Variants in NTM observed in about 807,000 individuals in gnomAD.
The protein encoded by NTM is neurotrimin, also known as IgLON family member 2.
A neutral mutation model predicts 42.1 loss-of-function variants in NTM; 13 were observed. That is an observed-to-expected ratio of 0.31 (90% confidence interval 0.20 to 0.49). The LOEUF is 0.49. Among genes scored for constraint, NTM ranks in the 20% least tolerant of loss-of-function variants. The probability of loss-of-function intolerance (pLI) is 0.99; values close to 1 mark genes in which losing one functional copy is unlikely to be tolerated. For missense variants in NTM, 373 were observed against 452.8 expected, an observed-to-expected ratio of 0.82 and a Z score of 1.60; for synonymous variants, 187 against 179.2, an observed-to-expected ratio of 1.04 and a Z score of -0.35.
chr11:132,333,215 C>A (rs1189448765), intron 8 of NTM, among the ~76,000 whole-genome samples: 1 of 152,176 alleles, frequency 6.6e-6, no homozygotes, highest in Admixed American at 6.5e-5. Context: ...TAAAGGCCTG[C>A]TGGGCCATAT....
rs113278150 is a variant in NTM at position 131,599,362 on chromosome 11, C to G, written c.82+228474C>G. On this transcript the variant is annotated intron_variant, in intron 1 of 8. Transcript: ENST00000683400. ...CTGTCTACCCAGTCTCCGGCAGATGCCCTGTCTACCCAGTCTCCGGCAGAG... is the reference window on the plus strand; with the variant it reads ...CTGTCTACCCAGTCTCCGGCAGATGGCCTGTCTACCCAGTCTCCGGCAGAG... 4.0e-5 allele frequency among the ~76,000 whole-genome samples: 6 copies of G among 150,112 alleles called. 2 individuals carry two copies. The East Asian group carries it at 9.9e-4, about 25-fold the overall frequency.
chr11:131,833,042 C>T (rs968665444), intron 1 of NTM, among the ~76,000 whole-genome samples: 2 of 152,176 alleles, frequency 1.3e-5, no homozygotes, highest in Admixed American at 1.3e-4. Flanking sequence ...TAAAGTTTTT[C>T]TCTACAATAG....
chr11:131,713,139 G>C (rs1212850131), intron 1 of NTM, among the ~76,000 whole-genome samples: 2 of 152,120 alleles, frequency 1.3e-5, no homozygotes, highest in Non-Finnish European at 1.5e-5. Context: ...GGAAAAACAA[G>C]GATGTCATGC....
chr11:131,688,679 G>T (rs560634548), intron 1 of NTM, among the ~76,000 whole-genome samples: 1 of 152,250 alleles, frequency 6.6e-6, no homozygotes, highest in Non-Finnish European at 1.5e-5. Flanking sequence ...CCCAGTTCAT[G>T]CTGTGGGTTG....
intron 2 of NTM, among the ~76,000 whole-genome samples, chr11:132,032,381 T>A (rs532209908): frequency 6.6e-6 from 1 of 152,348 alleles, no homozygotes; most frequent in East Asian, 1.9e-4. Context: ...TTCCTTGGAT[T>A]TTCACTGCTG....
intron 1 of NTM, among the ~76,000 whole-genome samples, chr11:131,881,436 G>T (rs752818068): frequency 2.2e-4 from 33 of 150,704 alleles, no homozygotes; most frequent in Non-Finnish European, 4.0e-4. Flanking sequence ...TCAGATTGGG[G>T]ATAATAAAAT....
intron 2 of NTM, among the ~76,000 whole-genome samples, chr11:131,988,851 C>T (rs1205007059): frequency 1.3e-5 from 2 of 152,054 alleles, no homozygotes; most frequent in Admixed American, 6.6e-5. Context: ...GTGATGAAAA[C>T]GTAGTACCAA....
At chr11:131,560,499 T>A (rs2056094267) in intron 1 of NTM, among the ~76,000 whole-genome samples, 1 of 152,182 alleles carries the variant, frequency 6.6e-6, no homozygotes. Context: ...GAACCTTTTG[T>A]GGAATTTATT....
In NTM at chr11:132,083,703, A is replaced by G. The variant is rs149889336; in HGVS notation, c.168-62579A>G. Among the ~76,000 whole-genome samples, 245 of 152,362 alleles carry G rather than the reference A, an allele frequency of 1.6e-3. 3 individuals are homozygous for G. Among genetic ancestry groups the G allele is most frequent in the African/African-American group, 5.2e-3 (218 of 41,582 alleles). On this transcript the variant is annotated intron_variant, in intron 2 of 8. Transcript: ENST00000683400. ...TGAGCTTGATTCCTTAAATGGAAGC[A>G]TACCCTTACAGTCAAACCCTTAGCA... is the stretch of plus-strand genomic sequence containing the variant.
chr11:131,765,432 C>T (rs1285245234), intron 1 of NTM, among the ~76,000 whole-genome samples: 1 of 152,190 alleles, frequency 6.6e-6, no homozygotes, highest in Admixed American at 6.5e-5. Context: ...ACTCAGTTTC[C>T]TCTTCCTGGA....
In NTM at chr11:132,330,329, G is replaced by C. The variant is rs906356269; in HGVS notation, c.967+144G>C. On this transcript the variant is annotated intron_variant, in intron 8 of 8. Transcript: ENST00000683400. Reference sequence around the variant, plus strand: ...CCTCCCCCAACCTTCAACCATCTCCGTGTCAATTTAGATTAACCCCATCCT... The same window carrying C: ...CCTCCCCCAACCTTCAACCATCTCCCTGTCAATTTAGATTAACCCCATCCT... 8.0e-6 allele frequency: 7 copies of C among 872,840 alleles called. No individual in the cohort carries two copies. The African/African-American group carries it at 1.2e-4, about 15-fold the overall frequency. The allele number at this position is 872,840 out of a possible 1,614,324, so 54.1% of individuals were successfully genotyped here.
intron 1 of NTM, among the ~76,000 whole-genome samples, chr11:131,768,544 G>A (rs1239066135): frequency 2.6e-5 from 4 of 152,144 alleles, no homozygotes; most frequent in South Asian, 2.1e-4. Context: ...GGATCATTGC[G>A]GAAACTGAGG....
At chr11:131,450,276 GAC>G (rs1195943969) in intron 1 of NTM, among the ~76,000 whole-genome samples, 1 of 152,176 alleles carries the variant, frequency 6.6e-6, no homozygotes, top group East Asian at 1.9e-4. Flanking sequence ...GAGGAAGAAA[GAC>G]AATGTTTATG....
Position 132,335,785 on chromosome 11 carries a change from GATTC to G in NTM, c.*643_*646del, listed in dbSNP as rs1476189530. 1.3e-5 allele frequency: 2 copies of G among 151,510 alleles called. No individual in the cohort carries two copies. Among genetic ancestry groups the G allele is most frequent in the African/African-American group, 4.9e-5 (2 of 40,958 alleles). The allele number at this position is 151,510 out of a possible 1,614,324, so 9.4% of individuals were successfully genotyped here. A position where few individuals can be genotyped will look rare whatever the true frequency, so the allele number is the denominator to read the frequency against. ...AACATCATGGATAACAAGGGATTCT[GATTC>G]ATTATTAATTTCATTAATTATATTT... On this transcript the variant is annotated 3_prime_UTR_variant, in exon 9 of 9. Coordinates refer to ENST00000683400, the MANE Select transcript of NTM (RefSeq NM_001352005.2).
chr11:132,255,835 C>T (rs149508342), intron 4 of NTM, among the ~76,000 whole-genome samples: 3 of 152,230 alleles, frequency 2.0e-5, no homozygotes, highest in African/African-American at 7.2e-5. Flanking sequence ...TGCTCCACTG[C>T]CGTCCTGTTG....
At chr11:131,500,567 ATATATATATATTTTTT>A (rs1429167477) in intron 1 of NTM, among the ~76,000 whole-genome samples, 2 of 27,100 alleles carry the variant, frequency 7.4e-5, no homozygotes, top group Non-Finnish European at 1.2e-4. Context: ...ATATATATAT[ATATATATATATTTTTT>A]TTTTTTTTTT....
intron 1 of NTM, among the ~76,000 whole-genome samples, chr11:131,591,762 G>A (rs1279990435): frequency 3.9e-5 from 6 of 152,298 alleles, no homozygotes; most frequent in Non-Finnish European, 4.4e-5. Context: ...TACCCAGAGC[G>A]CTAATGTGCC....
chr11:131,716,414 C>T (rs767331190), intron 1 of NTM, among the ~76,000 whole-genome samples: 1 of 152,114 alleles, frequency 6.6e-6, no homozygotes, highest in African/African-American at 2.4e-5. Context: ...TGAATCATAT[C>T]GTAGGTGTAT....
intron 1 of NTM, among the ~76,000 whole-genome samples, chr11:131,587,928 GAAGA>G (rs1349307289): frequency 1.3e-5 from 2 of 152,224 alleles, no homozygotes; most frequent in East Asian, 1.9e-4. Flanking sequence ...GGCTGATGAG[GAAGA>G]GTGACCCATA....
Sources: gnomAD v4.1 joint callset for allele counts (sites outside exome capture counted in the v4.1 genomes callset) on GRCh38, gnomAD v4.1.1 for gene constraint, MANE v1.5 for transcripts, NCBI Gene and HGNC (gene_info 2026-07-23, HGNC 2026-07-21) for gene names.